Variants in DLGAP1 observed in about 807,000 individuals in gnomAD.
DLGAP1 encodes disks large-associated protein 1.
Under a neutral mutation model 90.8 loss-of-function variants are expected in DLGAP1, and 11 were observed. The observed-to-expected ratio is 0.12, with a 90% CI of 0.08 to 0.20. The LOEUF is 0.20. Ranked by LOEUF, DLGAP1 falls within the 10% of genes least tolerant of loss-of-function variation. The pLI is 1.00. For synonymous variants in DLGAP1, 558 were observed against 540.7 expected, an observed-to-expected ratio of 1.03 and a Z score of -0.44; for missense variants, 1,050 against 1,333.8, an observed-to-expected ratio of 0.79 and a Z score of 3.31.
rs1185116008 is a variant in DLGAP1, at chr18:4,265,640, CT to C, written c.-266-114354del. Reference sequence around the variant, plus strand: ...CCCTCCCTCCCCTTCCCTCCCTCCCCTTCCCTCCCTCCCTCCCTCCCTCCCT... The same window carrying C: ...CCCTCCCTCCCCTTCCCTCCCTCCCCTCCCTCCCTCCCTCCCTCCCTCCCT... On this transcript the variant is annotated intron_variant, in intron 1 of 12. Coordinates refer to ENST00000315677, the MANE Select transcript of DLGAP1 (RefSeq NM_004746.4). 1.4e-3 allele frequency among the ~76,000 whole-genome samples: 61 copies of C among 42,296 alleles called. 1 individual carries two copies. The highest frequency in any genetic ancestry group is 0.011 in the Middle Eastern group (1 of 88). The allele number at this position is 42,296 out of a possible 152,430, so 27.7% of individuals were successfully genotyped here.
chr18:3,850,947 C>A (rs75050782), intron 4 of DLGAP1, among the ~76,000 whole-genome samples: 1 of 152,088 alleles, frequency 6.6e-6, no homozygotes, highest in Non-Finnish European at 1.5e-5. Flanking sequence ...TTCACAGGAG[C>A]TGAATTTTCT....
intron 2 of DLGAP1, among the ~76,000 whole-genome samples, chr18:4,091,550 G>A (rs1032283029): frequency 6.6e-6 from 1 of 152,014 alleles, no homozygotes; most frequent in African/African-American, 2.4e-5. Flanking sequence ...TCAATACTCT[G>A]TTCTGTCTTC....
chr18:4,105,381 A>G (rs953269362), intron 2 of DLGAP1, among the ~76,000 whole-genome samples: 1 of 152,166 alleles, frequency 6.6e-6, no homozygotes, highest in African/African-American at 2.4e-5. Flanking sequence ...AGGAAAACCA[A>G]TGTAACTTAA....
intron 1 of DLGAP1, among the ~76,000 whole-genome samples, chr18:4,236,302 T>C (rs2078413536): frequency 6.6e-6 from 1 of 152,204 alleles, no homozygotes; most frequent in South Asian, 2.1e-4. Context: ...TGATTATCAG[T>C]AGAAGTGCCA....
chr18:3,605,152 T>C (rs4098999), intron 7 of DLGAP1, among the ~76,000 whole-genome samples: 1 of 152,032 alleles, frequency 6.6e-6, no homozygotes, highest in African/African-American at 2.4e-5. Flanking sequence ...TTCTGCCTCC[T>C]CCTGACCACT....
intron 7 of DLGAP1, among the ~76,000 whole-genome samples, chr18:3,683,136 G>A (rs559357194): frequency 1.3e-5 from 2 of 152,240 alleles, no homozygotes; most frequent in East Asian, 1.9e-4. Context: ...GATTACAGGT[G>A]TGAGCCACCG....
intron 1 of DLGAP1, among the ~76,000 whole-genome samples, chr18:4,453,327 T>C (rs559470673): frequency 6.6e-6 from 1 of 151,882 alleles, no homozygotes; most frequent in African/African-American, 2.4e-5. Flanking sequence ...TATTTCTTTA[T>C]AGGCTTGAAT....
intron 1 of DLGAP1, among the ~76,000 whole-genome samples, chr18:4,355,168 C>T (rs1279163538): frequency 1.3e-5 from 2 of 152,174 alleles, no homozygotes; most frequent in African/African-American, 4.8e-5. Context: ...ACCCAAGAAT[C>T]TGTACACAAA....
chr18:4,071,274 A>G (rs1474443199), intron 2 of DLGAP1, among the ~76,000 whole-genome samples: 2 of 152,040 alleles, frequency 1.3e-5, no homozygotes, highest in African/African-American at 4.8e-5. Context: ...ATTTAACTAA[A>G]ATATTTATTG....
intron 2 of DLGAP1, among the ~76,000 whole-genome samples, chr18:4,113,847 G>T (rs2076014991): frequency 6.6e-6 from 1 of 152,060 alleles, no homozygotes; most frequent in Non-Finnish European, 1.5e-5. Flanking sequence ...AGCTATTCCA[G>T]CACCATTTAT....
At chr18:3,908,521 C>G (rs2071962149) in intron 3 of DLGAP1, among the ~76,000 whole-genome samples, 1 of 152,150 alleles carries the variant, frequency 6.6e-6, no homozygotes, top group Non-Finnish European at 1.5e-5. Context: ...TTTGTATTTT[C>G]AGAATGTTCT....
intron 10 of DLGAP1, among the ~76,000 whole-genome samples, chr18:3,523,576 G>T (rs544907803): frequency 4.0e-5 from 6 of 151,436 alleles, no homozygotes; most frequent in Non-Finnish European, 8.8e-5. Context: ...GACCAGGTGC[G>T]GTGGCTCACG....
chr18:3,852,184 T>C (rs759834977), intron 4 of DLGAP1, among the ~76,000 whole-genome samples: 7 of 152,150 alleles, frequency 4.6e-5, no homozygotes, highest in Admixed American at 3.3e-4. Context: ...AATCTACTTA[T>C]GAAAAAGATA....
intron 2 of DLGAP1, among the ~76,000 whole-genome samples, chr18:4,104,964 T>A (rs963464978): frequency 6.6e-6 from 1 of 152,218 alleles, no homozygotes; most frequent in Non-Finnish European, 1.5e-5. Context: ...AAATGCCTAG[T>A]GCCTGAACCA....
intron 1 of DLGAP1, among the ~76,000 whole-genome samples, chr18:4,326,904 T>C (rs1026284081): frequency 3.9e-5 from 6 of 151,942 alleles, no homozygotes; most frequent in Non-Finnish European, 8.8e-5. Context: ...TTGAGTACTA[T>C]ACCTATTACC....
At chr18:3,950,557 T>C (rs889264024) in intron 3 of DLGAP1, among the ~76,000 whole-genome samples, 3 of 152,256 alleles carry the variant, frequency 2.0e-5, no homozygotes, top group African/African-American at 4.8e-5. Context: ...TCCTTGTGAA[T>C]AGCACATGCT....
At chr18:3,582,431 T>C (rs890237742) in intron 7 of DLGAP1, among the ~76,000 whole-genome samples, 183 bp from the exon 8 acceptor site, 2 of 152,040 alleles carry the variant, frequency 1.3e-5, no homozygotes, top group African/African-American at 4.8e-5. Flanking sequence ...TCCTCTGAGG[T>C]GACACCTCCA....
intron 5 of DLGAP1, among the ~76,000 whole-genome samples, chr18:3,795,036 A>G (rs2065918153): frequency 6.6e-6 from 1 of 152,242 alleles, no homozygotes; most frequent in African/African-American, 2.4e-5. Context: ...TTGGTCAGGG[A>G]GAATGTAACT....
At chr18:3,990,581 T>A (rs1485806515) in intron 3 of DLGAP1, among the ~76,000 whole-genome samples, 2 of 150,464 alleles carry the variant, frequency 1.3e-5, no homozygotes, top group Non-Finnish European at 2.9e-5. Context: ...CATGTATACA[T>A]ATGTAACAAA....
Sources: gnomAD v4.1 joint callset for allele counts (sites outside exome capture counted in the v4.1 genomes callset) on GRCh38, gnomAD v4.1.1 for gene constraint, MANE v1.5 for transcripts, NCBI Gene and HGNC (gene_info 2026-07-23, HGNC 2026-07-21) for gene names.